CDH3: variants seen among roughly 807,000 people sequenced by gnomAD.
The protein encoded by CDH3 is cadherin-3.
A neutral mutation model predicts 82.0 loss-of-function variants in CDH3; 54 were observed. The ratio of observed to expected loss-of-function variants is 0.66; its 90% confidence interval spans 0.53 to 0.83. The LOEUF (loss-of-function observed/expected upper bound fraction) is 0.83, where lower values mean the gene tolerates loss of function less well. Among genes scored for constraint, CDH3 ranks in the 40% least tolerant of loss-of-function variants. The pLI is 0.00. For synonymous variants in CDH3, 446 were observed against 437.9 expected, an observed-to-expected ratio of 1.02 and a Z score of -0.23; for missense variants, 1,054 against 1,084.6, an observed-to-expected ratio of 0.97 and a Z score of 0.40.
rs553203769 is a variant in CDH3, at chr16:68,706,686, G to A, written c.99+10763G>A. Among the ~76,000 whole-genome samples the A allele has an allele frequency of 4.0e-5, 6 of 151,244 alleles. No individual in the cohort carries two copies. The South Asian group carries it at 1.0e-3, about 26-fold the overall frequency. ...TCGTGCCTCAGCCTCCTGAGTAGCT[G>A]GGACTACAGGTGCACAACACCACAC... On this transcript the variant is annotated intron_variant, in intron 1 of 2. Transcript: ENST00000569080.
rs560864939 is a variant in CDH3 at position 68,707,286 on chromosome 16, G to A, written c.99+11363G>A. On this transcript the variant is annotated intron_variant, in intron 1 of 2. Transcript: ENST00000569080. The surrounding 1 kb of genome is among the most constrained non-coding windows in gnomAD (Gnocchi z 4.5). ...AGATGAGGTTGGACAGGTAAGGAGCGGGGGGCCAAGGCGCCCAGTCCTGGG... is the reference window on the plus strand; with the variant it reads ...AGATGAGGTTGGACAGGTAAGGAGCAGGGGGCCAAGGCGCCCAGTCCTGGG... Among the ~76,000 whole-genome samples the A allele has an allele frequency of 1.4e-3, 211 of 152,308 alleles. No homozygotes were observed. The highest frequency in any genetic ancestry group is 2.4e-3 in the Non-Finnish European group (166 of 68,016).
downstream of CDH3, among the ~76,000 whole-genome samples, chr16:68,703,254 TGAG>T (rs983741339): frequency 6.6e-6 from 1 of 152,060 alleles, no homozygotes; most frequent in Non-Finnish European, 1.5e-5. Context: ...AGACAGTTGG[TGAG>T]GAGCTGGGGC....
At chr16:68,666,346 G>T (rs553770933) in intron 2 of CDH3, among the ~76,000 whole-genome samples, 1 of 152,230 alleles carries the variant, frequency 6.6e-6, no homozygotes, top group African/African-American at 2.4e-5. Flanking sequence ...CAGCTCTGGG[G>T]AAAAAGGCCT....
chr16:68,649,489 A>G (rs954536498), intron 2 of CDH3, among the ~76,000 whole-genome samples: 1 of 152,220 alleles, frequency 6.6e-6, no homozygotes, highest in Non-Finnish European at 1.5e-5. Context: ...CACAACTTCA[A>G]CTAAAGCAAT....
chr16:68,650,596 C>G (rs769475113), intron 2 of CDH3, among the ~76,000 whole-genome samples: 1 of 152,184 alleles, frequency 6.6e-6, no homozygotes, highest in Non-Finnish European at 1.5e-5. Context: ...CCACCACGCC[C>G]GGCCATATTT....
At chr16:68,696,005 A>G in intron 15 of CDH3, 82 bp downstream of exon 15, 2 of 1,481,704 alleles carry the variant, frequency 1.3e-6, no homozygotes, top group Non-Finnish European at 1.9e-6. Flanking sequence ...ATGGGCCTGG[A>G]GTCTTGGGTC....
intron 2 of CDH3, among the ~76,000 whole-genome samples, chr16:68,665,485 T>G (rs1293451073): frequency 1.3e-5 from 2 of 152,182 alleles, no homozygotes; most frequent in African/African-American, 4.8e-5. Flanking sequence ...TGTGTGTGTA[T>G]TCCCATTTTA....
chr16:68,675,043 G>A (rs955702441), intron 2 of CDH3, among the ~76,000 whole-genome samples: 2 of 151,238 alleles, frequency 1.3e-5, no homozygotes, highest in Admixed American at 6.6e-5. Context: ...AACCTGGGAG[G>A]TGGAGGTTGC....
At chr16:68,724,790 G>C (rs572440093) in intron 2 of CDH3, among the ~76,000 whole-genome samples, 1 of 152,224 alleles carries the variant, frequency 6.6e-6, no homozygotes, top group Admixed American at 6.5e-5. Flanking sequence ...AGGATTCAAC[G>C]GGCATACACT....
At chr16:68,717,145 G>C (rs1385195314) in intron 1 of CDH3, among the ~76,000 whole-genome samples, 1 of 151,832 alleles carries the variant, frequency 6.6e-6, no homozygotes, top group Non-Finnish European at 1.5e-5. Context: ...TCTTATTTTT[G>C]CTTATCTGCA....
chr16:68,678,481 C>G lies in CDH3; in HGVS notation c.391-20C>G, dbSNP rs1350039271. The G allele has an allele frequency of 6.2e-7, 1 of 1,614,040 alleles. No individual in the cohort carries two copies. The highest frequency in any genetic ancestry group is 1.3e-5 in the African/African-American group (1 of 74,928). On this transcript the variant is annotated intron_variant, in intron 4 of 15. Transcript: ENST00000264012. ...GGGATATTTGTTACTTTGTCAGCTG[C>G]CATTTTCTTTTCCCTCCAGCTCAAG...
In CDH3 at chr16:68,676,414, G is replaced by T. The variant is rs988960610; in HGVS notation, c.190G>T (p.Ala64Ser). Residue 64 changes from alanine to serine, a missense_variant, in exon 3 of 16, where the codon GCT becomes TCT. Transcript: ENST00000264012. ...VFMGCPGQEP[A>S]LFSTDNDDFT... is the part of the protein sequence containing the mutation. ...CATGGGCTGCCCTGGGCAAGAGCCA[G>T]CTCTGTTTAGCACTGATAATGATGA... is the stretch of plus-strand genomic sequence containing the variant. 62 of 1,613,970 alleles carry T rather than the reference G, an allele frequency of 3.8e-5. No homozygotes were observed. The highest frequency in any genetic ancestry group is 4.6e-5 in the Non-Finnish European group (54 of 1,179,918).
intron 2 of CDH3, among the ~76,000 whole-genome samples, chr16:68,646,643 A>G (rs1439981818): frequency 6.9e-6 from 1 of 144,202 alleles, no homozygotes; most frequent in African/African-American, 2.6e-5. Flanking sequence ...TAAGAGGACA[A>G]TGGATGGGGG....
In CDH3 at chr16:68,658,441, A is replaced by G. The variant is rs79121558; in HGVS notation, c.160+12691A>G. On this transcript the variant is annotated intron_variant, in intron 2 of 15. Transcript: ENST00000264012. ...GAGGCCCTAACTTCCCTGTGCGTGC[A>G]TGGGAAATGGCCCTGGAGCTATGAG... 7.8e-3 allele frequency among the ~76,000 whole-genome samples: 1,180 copies of G among 152,212 alleles called. 14 individuals are homozygous for G. Among genetic ancestry groups the G allele is most frequent in the African/African-American group, 0.023 (956 of 41,516 alleles).
At chr16:68,687,457 C>A (rs1298692380) in intron 11 of CDH3, 55 bp from the exon 12 acceptor site, 10 of 1,455,804 alleles carry the variant, frequency 6.9e-6, no homozygotes, top group South Asian at 1.1e-5. Flanking sequence ...AGGAGCCCCC[C>A]TGAGGCTGAC....
chr16:68,691,010 T>A (rs940641760), intron 12 of CDH3, among the ~76,000 whole-genome samples: 5 of 68,744 alleles, frequency 7.3e-5, no homozygotes, highest in Admixed American at 1.6e-4. Flanking sequence ...TCCTTTACTT[T>A]CTTTTTTTTT....
At chr16:68,661,418 T>C (rs1398685288) in intron 2 of CDH3, among the ~76,000 whole-genome samples, 1 of 152,206 alleles carries the variant, frequency 6.6e-6, no homozygotes, top group East Asian at 1.9e-4. Context: ...GAAGATTAAA[T>C]GAGTTTGTGT....
intron 13 of CDH3, among the ~76,000 whole-genome samples, chr16:68,694,170 A>G (rs542616285): frequency 2.0e-4 from 31 of 151,920 alleles, no homozygotes; most frequent in Admixed American, 1.8e-3. Flanking sequence ...AAAAATAAAT[A>G]AATAAATAAA....
intron 2 of CDH3, chr16:68,651,549 A>C (rs1166416280): frequency 8.0e-6 from 4 of 499,610 alleles, no homozygotes; most frequent in Non-Finnish European, 1.6e-5. Flanking sequence ...CCCGCTCTGC[A>C]GCCCCTTAGT....
Sources: allele counts gnomAD v4.1 joint callset (sites outside exome capture counted in the v4.1 genomes callset), GRCh38; gene constraint gnomAD v4.1.1; non-coding constraint Gnocchi (gnomAD v3.1); transcripts MANE v1.5; gene names NCBI Gene and HGNC (gene_info 2026-07-23, HGNC 2026-07-21).